The following GAS2 variants were observed in gnomAD, a reference collection of about 807,000 sequenced individuals.
GAS2 encodes the protein growth arrest specific 2.
A neutral mutation model predicts 37.5 loss-of-function variants in GAS2; 20 were observed. The observed-to-expected ratio is 0.53, with a 90% CI of 0.37 to 0.77. The LOEUF is 0.77. Among genes scored for constraint, GAS2 ranks in the 30% least tolerant of loss-of-function variants. The pLI is 0.00. For missense variants in GAS2, 336 were observed against 373.4 expected (o/e 0.90, Z 0.82); for synonymous variants, 144 against 132.2 (o/e 1.09, Z -0.61).
intron 7 of GAS2, among the ~76,000 whole-genome samples, 178 bp from the exon 8 acceptor site, chr11:22,811,620 G>GAA (rs113746300): frequency 6.6e-6 from 1 of 151,538 alleles, no homozygotes; most frequent in Non-Finnish European, 1.5e-5. Context: ...CACTTCCACA[G>GAA]AAAAAAAACA....
chr11:22,714,942 C>T (rs1851591997), intron 3 of GAS2, among the ~76,000 whole-genome samples: 1 of 152,198 alleles, frequency 6.6e-6, no homozygotes, highest in African/African-American at 2.4e-5. Context: ...TCTATGCTCA[C>T]ACCTCAAGGA....
intron 3 of GAS2, among the ~76,000 whole-genome samples, chr11:22,714,885 G>C (rs1851587991): frequency 6.6e-6 from 1 of 152,142 alleles, no homozygotes; most frequent in South Asian, 2.1e-4. Flanking sequence ...AAAGTTCATA[G>C]CATTAAATGC....
chr11:22,645,756 C>T (rs928119776), intron 1 of GAS2, among the ~76,000 whole-genome samples: 4 of 151,646 alleles, frequency 2.6e-5, no homozygotes, highest in African/African-American at 9.7e-5. Flanking sequence ...TGCCATTATA[C>T]ATTTTTTCTA....
At chr11:22,727,128 A>G (rs1238425925) in intron 4 of GAS2, among the ~76,000 whole-genome samples, 2 of 152,050 alleles carry the variant, frequency 1.3e-5, no homozygotes, top group African/African-American at 2.4e-5. Context: ...CAGTGTTTCA[A>G]TACCACTCCA....
At chr11:22,763,477 G>A (rs573167163) in intron 7 of GAS2, among the ~76,000 whole-genome samples, 1 of 152,164 alleles carries the variant, frequency 6.6e-6, no homozygotes, top group East Asian at 1.9e-4. Context: ...ATGAAAAATG[G>A]GCTGTTGTGT....
intron 1 of GAS2, among the ~76,000 whole-genome samples, chr11:22,642,702 C>T (rs367825601): frequency 1.5e-4 from 23 of 152,064 alleles, no homozygotes; most frequent in Non-Finnish European, 2.2e-4. Flanking sequence ...TTAAAAATGA[C>T]GTATCTGAGA....
intron 7 of GAS2, among the ~76,000 whole-genome samples, chr11:22,790,683 G>A (rs367926904): frequency 2.0e-5 from 3 of 149,576 alleles, no homozygotes; most frequent in Non-Finnish European, 3.0e-5. Context: ...GGCTGGTCTC[G>A]AAGTCCTGCC....
intron 7 of GAS2, among the ~76,000 whole-genome samples, chr11:22,809,912 A>C (rs1342219910): frequency 6.6e-6 from 1 of 152,166 alleles, no homozygotes; most frequent in Non-Finnish European, 1.5e-5. Flanking sequence ...TATCTGCTTT[A>C]TATTTCAGGG....
At chr11:22,749,400 T>G in intron 6 of GAS2, 139 bp downstream of exon 6, 1 of 708,602 alleles carries the variant, frequency 1.4e-6, no homozygotes, top group East Asian at 3.0e-5. Flanking sequence ...TATGAAAAAC[T>G]TTGTAGTCCT....
intron 1 of GAS2, among the ~76,000 whole-genome samples, chr11:22,652,432 G>C (rs1337160828): frequency 6.6e-6 from 1 of 152,212 alleles, no homozygotes; most frequent in Non-Finnish European, 1.5e-5. Flanking sequence ...GCCTCCTTGA[G>C]CTGTGGTGGG....
intron 4 of GAS2, among the ~76,000 whole-genome samples, chr11:22,735,291 T>A (rs547390870): frequency 1.3e-5 from 2 of 150,638 alleles, no homozygotes; most frequent in African/African-American, 2.4e-5. Context: ...GAAAAACTAT[T>A]AACATATGAG....
Position 22,682,803 on chromosome 11 carries a change from GCCACTGCACTCCAGCCTGACGAGATCGCA to G in GAS2, c.146-2846_146-2818del, listed in dbSNP as rs755051027. Among the ~76,000 whole-genome samples, 28 of 137,156 alleles carry G rather than the reference GCCACTGCACTCCAGCCTGACGAGATCGCA, an allele frequency of 2.0e-4. No homozygotes were observed. The East Asian group carries it at 4.5e-3, about 22-fold the overall frequency. 90.0% of individuals were successfully genotyped at this position (137,156 alleles called of 152,430 possible). On this transcript the variant is annotated intron_variant, in intron 2 of 7. Transcript: ENST00000454584. Reference sequence around the variant, plus strand: ...AGAGGTTGCAGTGAGCCAAGATCGTGCCACTGCACTCCAGCCTGACGAGATCGCACCACTGCACTCCAGCCTGTGGTTAG... The same window carrying G: ...AGAGGTTGCAGTGAGCCAAGATCGTGCCACTGCACTCCAGCCTGTGGTTAG...
intron 3 of GAS2, among the ~76,000 whole-genome samples, chr11:22,718,676 T>G (rs1157892892): frequency 2.6e-5 from 4 of 151,792 alleles, no homozygotes; most frequent in African/African-American, 9.7e-5. Context: ...ATAATAATAA[T>G]AATAAATATT....
intron 7 of GAS2, among the ~76,000 whole-genome samples, chr11:22,803,215 G>A (rs1856744224): frequency 6.6e-6 from 1 of 152,116 alleles, no homozygotes; most frequent in African/African-American, 2.4e-5. Context: ...ACACTGGACA[G>A]AAATCAAAGC....
At chr11:22,643,864 T>C (rs1848658986) in intron 1 of GAS2, among the ~76,000 whole-genome samples, 1 of 152,148 alleles carries the variant, frequency 6.6e-6, no homozygotes, top group African/African-American at 2.4e-5. Context: ...TTTTTCCTGC[T>C]TCAATAACTG....
Position 22,674,874 on chromosome 11 carries a change from G to A in GAS2, c.5G>A (p.Cys2Tyr), listed in dbSNP as rs1051078901. ...GGTATTACAAGTGGATAAATAATGTGCACTGCTCTGAGCCCAAAGGTACGC... is the reference window on the plus strand; with the variant it reads ...GGTATTACAAGTGGATAAATAATGTACACTGCTCTGAGCCCAAAGGTACGC... Reference protein sequence around the residue: MCTALSPKVRSG... With the variant: MYTALSPKVRSG... The change falls in exon 2 of 8, where the codon TGC (cysteine) becomes TAC (tyrosine). Residue 2 changes from cysteine to tyrosine, a missense_variant. Coordinates refer to ENST00000454584, the MANE Select transcript of GAS2 (RefSeq NM_001143830.3). The A allele has an allele frequency of 1.2e-6, 2 of 1,603,154 alleles. No individual in the cohort carries two copies. The highest frequency in any genetic ancestry group is 2.2e-5 in the East Asian group (1 of 44,644).
intron 7 of GAS2, among the ~76,000 whole-genome samples, chr11:22,772,005 G>C (rs1457975006): frequency 6.6e-6 from 1 of 152,140 alleles, no homozygotes. Flanking sequence ...ATAATTGACA[G>C]AGACAGGATG....
intron 4 of GAS2, among the ~76,000 whole-genome samples, chr11:22,732,441 A>G (rs1852522817): frequency 6.6e-6 from 1 of 151,758 alleles, no homozygotes; most frequent in Non-Finnish European, 1.5e-5. Flanking sequence ...AATCATTCTT[A>G]CTGGTGATTC....
chr11:22,707,244 A>G (rs1033661682), intron 3 of GAS2, among the ~76,000 whole-genome samples: 5 of 151,610 alleles, frequency 3.3e-5, no homozygotes, highest in African/African-American at 9.8e-5. Context: ...GATTGGGGAA[A>G]CATCATTGTT....
Sources: allele counts gnomAD v4.1 joint callset (sites outside exome capture counted in the v4.1 genomes callset), GRCh38; gene constraint gnomAD v4.1.1; transcripts MANE v1.5; gene names NCBI Gene and HGNC (gene_info 2026-07-23, HGNC 2026-07-21).